Variants in SORL1 observed in about 807,000 individuals in gnomAD.
The protein encoded by SORL1 is sortilin-related receptor.
SORL1 carries 127 observed loss-of-function variants against 273.7 expected under a neutral mutation model. The observed-to-expected ratio is 0.46, with a 90% CI of 0.40 to 0.54. The LOEUF (loss-of-function observed/expected upper bound fraction) is 0.54, where lower values mean the gene tolerates loss of function less well. Among genes scored for constraint, SORL1 ranks in the 20% least tolerant of loss-of-function variants. The pLI is 0.00. For synonymous variants in SORL1, 1,031 were observed against 1,067.4 expected (o/e 0.97, Z 0.66); for missense variants, 2,494 against 2,846.1 (o/e 0.88, Z 2.81).
chr11:121,531,496 G>T (rs1230533468), intron 11 of SORL1, among the ~76,000 whole-genome samples: 1 of 152,222 alleles, frequency 6.6e-6, no homozygotes. Context: ...TTATGGATAT[G>T]TTTGTATGCT....
chr11:121,614,898 A>G lies in SORL1; in HGVS notation c.5447A>G (p.Tyr1816Cys), dbSNP rs772677709. ...KVGNLTAHTS[Y>C]EISAWAKTDL... is the part of the protein sequence containing the mutation. The stretch of plus-strand genomic sequence containing the variant: ...GGCAATCTGACAGCTCATACATCCT[A>G]TGAGATTTCTGCCTGGGCCAAGACT... The change falls in exon 41 of 48, where the codon TAT becomes TGT. Residue 1816 changes from tyrosine (Y) to cysteine (C), a missense_variant. Physicochemically the swap from Tyr to Cys is radical, Grantham distance 194. This residue lies in a region of SORL1 where 1,609 missense variants were observed against 1,816.4 expected (regional missense o/e 0.89). Transcript: ENST00000260197. 9 of 1,612,970 alleles carry G rather than the reference A, an allele frequency of 5.6e-6. No homozygotes were observed. The highest frequency in any genetic ancestry group is 1.1e-5 in the South Asian group (1 of 90,862).
chr11:121,478,502 A>C (rs1861317508), intron 3 of SORL1, among the ~76,000 whole-genome samples: 2 of 152,372 alleles, frequency 1.3e-5, no homozygotes, highest in South Asian at 2.1e-4. Flanking sequence ...ACAGAAAATC[A>C]GCCAACTCTT....
intron 20 of SORL1, among the ~76,000 whole-genome samples, chr11:121,559,067 C>T (rs559549765): frequency 2.0e-5 from 3 of 152,344 alleles, no homozygotes; most frequent in African/African-American, 4.8e-5. Context: ...AGTGAAGGCT[C>T]TTCCCATGAA....
chr11:121,523,849 G>C (rs1440012160), intron 11 of SORL1, among the ~76,000 whole-genome samples: 1 of 152,212 alleles, frequency 6.6e-6, no homozygotes, highest in African/African-American at 2.4e-5. Flanking sequence ...ACAGCTAGCA[G>C]ACATAGTTCC....
At chr11:121,517,982 G>T (rs928978187) in intron 8 of SORL1, among the ~76,000 whole-genome samples, 1 of 152,112 alleles carries the variant, frequency 6.6e-6, no homozygotes, top group Admixed American at 6.5e-5. Context: ...AACTGCTTCT[G>T]ATTTACTCAG....
At chr11:121,453,539 T>C (rs562607724) in intron 1 of SORL1, among the ~76,000 whole-genome samples, 1 of 151,962 alleles carries the variant, frequency 6.6e-6, no homozygotes, top group Admixed American at 6.5e-5. Flanking sequence ...GGAGAAAAAG[T>C]AGGACCAGAG....
At chr11:121,495,838 A>C (rs926096362) in intron 5 of SORL1, among the ~76,000 whole-genome samples, 19 of 152,216 alleles carry the variant, frequency 1.2e-4, no homozygotes, top group African/African-American at 4.6e-4. Context: ...CCAATGCAGA[A>C]AGTATCTCTT....
At chr11:121,571,466 A>G (rs1862842966) in intron 23 of SORL1, among the ~76,000 whole-genome samples, 1 of 152,252 alleles carries the variant, frequency 6.6e-6, no homozygotes, top group Non-Finnish European at 1.5e-5. Flanking sequence ...TTGGAAGGAT[A>G]AGTAGTGGGC....
intron 8 of SORL1, among the ~76,000 whole-genome samples, chr11:121,514,595 T>G (rs1024545181): frequency 1.3e-5 from 2 of 152,190 alleles, no homozygotes; most frequent in African/African-American, 4.8e-5. Flanking sequence ...TCCGAGCTAC[T>G]GTGTTAATCA....
chr11:121,499,713 A>G (rs771419929), intron 6 of SORL1, among the ~76,000 whole-genome samples: 7 of 152,212 alleles, frequency 4.6e-5, no homozygotes, highest in Non-Finnish European at 8.8e-5. Context: ...CCTCCCAGTA[A>G]GAGTGTTGAA....
At chr11:121,537,126 G>A (rs889883320) in intron 12 of SORL1, among the ~76,000 whole-genome samples, 1 of 152,186 alleles carries the variant, frequency 6.6e-6, no homozygotes, top group Non-Finnish European at 1.5e-5. Context: ...CGGCTCTTGA[G>A]TATTAATAGA....
At chr11:121,567,483 A>G (rs1862771318) in intron 22 of SORL1, among the ~76,000 whole-genome samples, 1 of 152,276 alleles carries the variant, frequency 6.6e-6, no homozygotes, top group Non-Finnish European at 1.5e-5. Flanking sequence ...CCTGTTTTGC[A>G]TAAGTTGGAC....
At chr11:121,545,175 T>C in intron 13 of SORL1, 68 bp from the exon 14 acceptor site, 4 of 1,485,430 alleles carry the variant, frequency 2.7e-6, no homozygotes, top group East Asian at 4.5e-5. Flanking sequence ...CCAGGCACCT[T>C]GAGGCATAGC....
At chr11:121,530,087 C>A (rs1280752242) in intron 11 of SORL1, among the ~76,000 whole-genome samples, 1 of 152,148 alleles carries the variant, frequency 6.6e-6, no homozygotes, top group Non-Finnish European at 1.5e-5. Context: ...CATACAAGTC[C>A]CTTTTCTCCT....
rs1225171811 is a variant in SORL1 at position 121,488,058 on chromosome 11, G to T, written c.555G>T (p.Gln185His). 1.2e-6 allele frequency: 2 copies of T among 1,614,018 alleles called. No individual in the cohort carries two copies. Among genetic ancestry groups the T allele is most frequent in the Middle Eastern group, 1.6e-4 (1 of 6,084 alleles). Reference sequence around the variant, plus strand: ...ACATCTTTGCAGACGCTTATGCCCAGTACCTCTGGATCACGTTTGACTTCT... The same window carrying T: ...ACATCTTTGCAGACGCTTATGCCCATTACCTCTGGATCACGTTTGACTTCT... Reference protein sequence around the residue: ...KRYIFADAYAQYLWITFDFCN... With the variant: ...KRYIFADAYAHYLWITFDFCN... The change falls in exon 4 of 48, where the codon CAG becomes CAT. Residue 185 changes from glutamine (Q) to histidine (H), a missense_variant. Coordinates refer to ENST00000260197, the MANE Select transcript of SORL1 (RefSeq NM_003105.6).
At position 121,461,963 on chromosome 11, in the gene SORL1, C is replaced by T. The variant is rs12293008; in HGVS notation, c.286-8044C>T. 1.5e-3 allele frequency among the ~76,000 whole-genome samples: 235 copies of T among 152,174 alleles called. 3 individuals carry two copies. Among genetic ancestry groups the T allele is most frequent in the African/African-American group, 5.5e-3 (227 of 41,504 alleles). On this transcript the variant is annotated intron_variant, in intron 1 of 47. Coordinates refer to ENST00000260197, the MANE Select transcript of SORL1 (RefSeq NM_003105.6). ...CAGGCTGCATCTCATTTGATTCTTA[C>T]GACAATCTTGAAAAATGGGGAAGAT...
intron 12 of SORL1, among the ~76,000 whole-genome samples, chr11:121,538,424 T>G (rs1190115288): frequency 6.6e-6 from 1 of 152,214 alleles, no homozygotes; most frequent in Non-Finnish European, 1.5e-5. Flanking sequence ...CATGTTTGTA[T>G]GTTTTGTATT....
At chr11:121,470,553 G>A (rs7945931) in intron 2 of SORL1, among the ~76,000 whole-genome samples, 18,252 of 152,244 alleles carry the variant, frequency 0.12, 1,314 homozygotes, top group African/African-American at 0.2. Context: ...CTGGGTATTT[G>A]TGATCTTTAG....
chr11:121,611,886 A>G (rs1031414931), intron 39 of SORL1: 1 of 152,408 alleles, frequency 6.6e-6, no homozygotes, highest in African/African-American at 2.4e-5. Flanking sequence ...CACGCCTGTA[A>G]TCCCAGCACT....
Sources: allele counts gnomAD v4.1 joint callset (sites outside exome capture counted in the v4.1 genomes callset), GRCh38; gene constraint gnomAD v4.1.1; regional missense constraint gnomAD v4.1.1; transcripts MANE v1.5; gene names NCBI Gene and HGNC (gene_info 2026-07-23, HGNC 2026-07-21).